The following NCOA1 variants were observed in gnomAD, a reference collection of about 807,000 sequenced individuals.
The protein encoded by NCOA1 is Hin-2 protein.
Under a neutral mutation model 150.9 loss-of-function variants are expected in NCOA1, and 35 were observed. That is an observed-to-expected ratio of 0.23 (90% CI 0.18 to 0.31). The LOEUF (loss-of-function observed/expected upper bound fraction) is 0.31. Among genes scored for constraint, NCOA1 ranks in the 10% least tolerant of loss-of-function variants. The pLI, the probability that NCOA1 is intolerant of heterozygous loss-of-function variation, is 1.00. For missense variants in NCOA1, 1,491 were observed against 1,749.3 expected (o/e 0.85, Z 2.63); for synonymous variants, 590 against 630.0 (o/e 0.94, Z 0.95).
At chr2:24,670,501 A>G (rs1054638535) in intron 6 of NCOA1, among the ~76,000 whole-genome samples, 1 of 152,244 alleles carries the variant, frequency 6.6e-6, no homozygotes, top group African/African-American at 2.4e-5. Context: ...ATAAAAAGGA[A>G]TAAAGTACTG....
Position 24,705,871 on chromosome 2 carries a change from C to T in NCOA1, c.1097+638C>T, listed in dbSNP as rs184267450. Reference sequence around the variant, plus strand: ...TTTGCTTATTGGAACATGGTAATGCCAGTCACAAATCTGTTGTCATAATTA... The same window carrying T: ...TTTGCTTATTGGAACATGGTAATGCTAGTCACAAATCTGTTGTCATAATTA... On this transcript the variant is annotated intron_variant, in intron 12 of 22. Transcript: ENST00000348332. Among the ~76,000 whole-genome samples the T allele has an allele frequency of 1.0e-3, 154 of 152,234 alleles. 1 individual carries two copies. Among genetic ancestry groups the T allele is most frequent in the African/African-American group, 3.4e-3 (141 of 41,552 alleles).
chr2:24,694,091 A>G (rs993615838), intron 10 of NCOA1, among the ~76,000 whole-genome samples: 3 of 152,220 alleles, frequency 2.0e-5, no homozygotes, highest in Non-Finnish European at 4.4e-5. Flanking sequence ...CAAGACAGAG[A>G]GGTAAGTTAG....
intron 1 of NCOA1, among the ~76,000 whole-genome samples, chr2:24,551,464 AAAGT>A (rs1296806698): frequency 2.0e-5 from 3 of 152,212 alleles, no homozygotes; most frequent in African/African-American, 4.8e-5. Context: ...AAATTTTAAT[AAAGT>A]GTTATTTTTT....
chr2:24,731,708 T>A (rs1433300785), intron 17 of NCOA1, among the ~76,000 whole-genome samples: 1 of 152,242 alleles, frequency 6.6e-6, no homozygotes, highest in Non-Finnish European at 1.5e-5. Flanking sequence ...ATAAATGTTC[T>A]GAGATATTAA....
intron 3 of NCOA1, among the ~76,000 whole-genome samples, chr2:24,622,409 A>C (rs1392981311): frequency 6.6e-6 from 1 of 152,210 alleles, no homozygotes; most frequent in African/African-American, 2.4e-5. Flanking sequence ...AAATGCCTCC[A>C]AACATTACCA....
At chr2:24,567,150 G>A (rs1290301155) in intron 2 of NCOA1, among the ~76,000 whole-genome samples, 1 of 152,212 alleles carries the variant, frequency 6.6e-6, no homozygotes, top group Non-Finnish European at 1.5e-5. Flanking sequence ...GTGTAATTGA[G>A]CAATTTTTGC....
At position 24,707,463 on chromosome 2, in the gene NCOA1, A is replaced by C. The variant is rs1272589061; in HGVS notation, c.1993A>C (p.Asn665His). The C allele has an allele frequency of 5.6e-6, 9 of 1,614,232 alleles. No homozygotes were observed. In the South Asian group the frequency reaches 7.7e-5, roughly 14 times the overall value. ...TGTCCTGTCTTGCACAGGCACTTCC[A>C]ACTCTGCCTCTGCTAACTCTTCAGG... ...KDVLSCTGTS[N>H]SASANSSGGS... Residue 665 changes from asparagine to histidine, a missense_variant, in exon 13 of 23, where the codon AAC (asparagine) becomes CAC (histidine). By Grantham distance (68) the Asn-to-His change is moderately conservative. Around this residue, in one of 8 missense-constraint regions of NCOA1, gnomAD observed 703 missense variants for 717.7 expected, o/e 0.98. Coordinates refer to ENST00000348332, the MANE Select transcript of NCOA1 (RefSeq NM_003743.5).
intron 3 of NCOA1, among the ~76,000 whole-genome samples, chr2:24,626,090 T>TGA (rs745471604): frequency 2.6e-5 from 4 of 152,222 alleles, no homozygotes; most frequent in Admixed American, 1.3e-4. Context: ...TATCAAATGG[T>TGA]GAGAGAGGGG....
At position 24,491,560 on chromosome 2, in the gene NCOA1, G is replaced by A. The variant is rs540278076; in HGVS notation, c.-438G>A. Among the ~76,000 whole-genome samples, 447 of 111,268 alleles carry A rather than the reference G, an allele frequency of 4.0e-3. 2 individuals carry two copies. The highest frequency in any genetic ancestry group is 0.023 in the African/African-American group (430 of 18,856). 73.0% of individuals were successfully genotyped at this position (111,268 alleles called of 152,430 possible). ...CGGCGCCGCCGCCACGGTCGCGGAC[G>A]AGTGCGGCGCCGGTGAGCGGGGCCC... On this transcript the variant is annotated 5_prime_UTR_variant, in exon 1 of 23. Transcript: ENST00000348332.
chr2:24,537,801 A>G (rs533007693), intron 1 of NCOA1, among the ~76,000 whole-genome samples: 5 of 151,350 alleles, frequency 3.3e-5, no homozygotes, highest in South Asian at 2.1e-4. Flanking sequence ...TCATGTTTCT[A>G]TCTATCTATA....
intron 1 of NCOA1, among the ~76,000 whole-genome samples, chr2:24,518,196 C>T (rs865836993): frequency 6.6e-6 from 1 of 151,818 alleles, no homozygotes; most frequent in African/African-American, 2.4e-5. Context: ...AATTAATGAA[C>T]GTATTTTACC....
chr2:24,524,451 G>T (rs1164480655), intron 1 of NCOA1, among the ~76,000 whole-genome samples: 4 of 151,914 alleles, frequency 2.6e-5, no homozygotes, highest in Non-Finnish European at 5.9e-5. Flanking sequence ...GTACCACCAT[G>T]CCTGGCTGCC....
Position 24,705,112 on chromosome 2 carries a change from C to T in NCOA1, c.976C>T (p.Pro326Ser). Residue 326 changes from proline to serine, a missense_variant, in exon 12 of 23, where the codon CCC becomes TCC. By Grantham distance (74) the Pro-to-Ser change is moderately conservative. Transcript: ENST00000348332. ...GATGACTCGTGGCACTGCCTCCAGC[C>T]CCTCCTATAGATTCATATTGAATGA... ...EVMTRGTASS[P>S]SYRFILNDGT... The T allele has an allele frequency of 6.2e-7, 1 of 1,613,886 alleles. No individual in the cohort carries two copies. Among genetic ancestry groups the T allele is most frequent in the Non-Finnish European group, 8.5e-7 (1 of 1,179,854 alleles).
At chr2:24,631,179 T>A (rs1306915664) in intron 3 of NCOA1, among the ~76,000 whole-genome samples, 1 of 152,184 alleles carries the variant, frequency 6.6e-6, no homozygotes, top group Non-Finnish European at 1.5e-5. Context: ...CATAAGCTAC[T>A]GTGGAATTAT....
At position 24,706,932 on chromosome 2, in the gene NCOA1, T is replaced by C. The variant is rs1469986066; in HGVS notation, c.1462T>C (p.Ser488Pro). 1 of 1,613,976 alleles carries C rather than the reference T, an allele frequency of 6.2e-7. No individual in the cohort carries two copies. Among genetic ancestry groups the C allele is most frequent in the Admixed American group, 1.7e-5 (1 of 59,978 alleles). Residue 488 changes from serine to proline, a missense_variant, in exon 13 of 23, where the codon TCT becomes CCT. Ser to Pro is a moderately conservative substitution (Grantham distance 74). Transcript: ENST00000348332. ...AGGAATATCCCTAGCACAGTTCATG[T>C]CTCCAAGGAGACAGGTTACTTCTGG... is the stretch of plus-strand genomic sequence containing the variant. ...GTGISLAQFM[S>P]PRRQVTSGLA...
At chr2:24,558,800 C>CATT (rs1475876819) in intron 1 of NCOA1, among the ~76,000 whole-genome samples, 1 of 152,156 alleles carries the variant, frequency 6.6e-6, no homozygotes, top group Non-Finnish European at 1.5e-5. Flanking sequence ...GAAGCATGAT[C>CATT]TAATTGGATC....
At chr2:24,519,811 T>G (rs528586673) in intron 1 of NCOA1, among the ~76,000 whole-genome samples, 16 of 152,190 alleles carry the variant, frequency 1.1e-4, no homozygotes, top group African/African-American at 3.9e-4. Context: ...AGTAGCAGTA[T>G]TTTTTGAAAA....
intron 14 of NCOA1, among the ~76,000 whole-genome samples, chr2:24,713,600 C>G (rs1332444098): frequency 6.6e-6 from 1 of 152,172 alleles, no homozygotes; most frequent in Non-Finnish European, 1.5e-5. Flanking sequence ...GTCTAGTCCT[C>G]CCACTGTAAA....
chr2:24,729,562 TC>T lies in NCOA1; in HGVS notation c.2949del (p.Met984TrpfsTer42). The T allele has an allele frequency of 6.2e-7, 1 of 1,614,188 alleles. No homozygotes were observed. The highest frequency in any genetic ancestry group is 8.5e-7 in the Non-Finnish European group (1 of 1,180,014). Reference sequence around the variant, plus strand: ...CCACAACAAGCAACGCCACCTTTGATCATGGAAGAAAGACCCAACCTTTATT... The same window carrying T: ...CCACAACAAGCAACGCCACCTTTGATATGGAAGAAAGACCCAACCTTTATT... ...FPPQQATPPL[I>X]MEERPNLYSQ... is the part of the protein sequence containing the mutation. On this transcript the variant is annotated frameshift_variant, in exon 17 of 23. Coordinates refer to ENST00000348332, the MANE Select transcript of NCOA1 (RefSeq NM_003743.5). LOFTEE classifies it high-confidence loss of function.
Sources: gnomAD v4.1 joint callset for allele counts (sites outside exome capture counted in the v4.1 genomes callset) on GRCh38, gnomAD v4.1.1 for gene constraint, gnomAD v4.1.1 regional missense constraint, MANE v1.5 for transcripts, NCBI Gene and HGNC (gene_info 2026-07-23, HGNC 2026-07-21) for gene names.